Variants in RBFOX1 observed in about 807,000 individuals in gnomAD.
The protein encoded by RBFOX1 is RNA binding fox-1 homolog 1.
Under a neutral mutation model 57.7 loss-of-function variants are expected in RBFOX1, and 8 were observed. The observed-to-expected ratio is 0.14, with a 90% CI of 0.08 to 0.25. The LOEUF (loss-of-function observed/expected upper bound fraction) is 0.25. RBFOX1 is among the 10% of genes least tolerant of loss of function. The pLI is 1.00. For missense variants in RBFOX1, 611 were observed against 548.5 expected (o/e 1.11, Z -1.14); for synonymous variants, 326 against 222.4 (o/e 1.47, Z -4.15).
chr16:5,729,403 T>C (rs1204700291), intron 3 of RBFOX1, among the ~76,000 whole-genome samples: 7 of 149,892 alleles, frequency 4.7e-5, no homozygotes, highest in African/African-American at 1.5e-4. Context: ...TTTCTTTTTT[T>C]TTTTTTTTTT....
At chr16:5,935,087 C>G (rs1597855671) in intron 4 of RBFOX1, among the ~76,000 whole-genome samples, 1 of 152,192 alleles carries the variant, frequency 6.6e-6, no homozygotes, top group African/African-American at 2.4e-5. Flanking sequence ...TGCCTTCAGC[C>G]AACTCTTTTA....
At chr16:7,342,502 G>A (rs1286835193) in intron 4 of RBFOX1, among the ~76,000 whole-genome samples, 6 of 152,194 alleles carry the variant, frequency 3.9e-5, no homozygotes, top group Admixed American at 2.6e-4. Context: ...ATTGCCAGCA[G>A]TGTTGTCTTG....
At position 6,875,979 on chromosome 16, in the gene RBFOX1, C is replaced by A. The variant is rs1279173250; in HGVS notation, c.-15-176078C>A. Among the ~76,000 whole-genome samples, 2 of 151,930 alleles carry A rather than the reference C, an allele frequency of 1.3e-5. 1 individual carries two copies. The highest frequency in any genetic ancestry group is 2.9e-5 in the Non-Finnish European group (2 of 68,008). Reference sequence around the variant, plus strand: ...TGTCACTGCACTTCAGCCTGGGCAACACAGTGGAACTTGTCTCAAAAAATA... The same window carrying A: ...TGTCACTGCACTTCAGCCTGGGCAAAACAGTGGAACTTGTCTCAAAAAATA... On this transcript the variant is annotated intron_variant, in intron 3 of 15. Coordinates refer to ENST00000550418, the MANE Select transcript of RBFOX1 (RefSeq NM_018723.4).
chr16:7,222,791 AACT>A (rs2092825501), intron 4 of RBFOX1, among the ~76,000 whole-genome samples: 1 of 152,214 alleles, frequency 6.6e-6, no homozygotes, highest in Admixed American at 6.5e-5. Flanking sequence ...GCCATTTCAC[AACT>A]ATCAGGTACT....
chr16:6,316,150 C>T (rs1183632130), intron 1 of RBFOX1, among the ~76,000 whole-genome samples: 9 of 152,088 alleles, frequency 5.9e-5, no homozygotes, highest in Non-Finnish European at 1.3e-4. Context: ...TAAGTTTCTC[C>T]CCAGAGAGGA....
rs1440512101 is a variant in RBFOX1 at position 5,546,620 on chromosome 16, A to G, written c.259-52282A>G. Among the ~76,000 whole-genome samples the G allele has an allele frequency of 1.4e-4, 21 of 152,346 alleles. No homozygotes were observed. The East Asian group carries it at 4.0e-3, about 29-fold the overall frequency. The stretch of plus-strand genomic sequence containing the variant: ...TACAAAAATTAACTGAAAATGCATC[A>G]TACATTCAGATATACAACCTAAATC... On this transcript the variant is annotated intron_variant, in intron 2 of 2. Coordinates refer to the RBFOX1 transcript ENST00000585867.
chr16:5,913,935 C>T (rs933022833), intron 4 of RBFOX1, among the ~76,000 whole-genome samples: 2 of 152,354 alleles, frequency 1.3e-5, no homozygotes, highest in East Asian at 3.9e-4. Flanking sequence ...TTCTGTCACT[C>T]CTCTCATTCC....
At chr16:7,315,592 A>G (rs543366000) in intron 4 of RBFOX1, among the ~76,000 whole-genome samples, 7 of 152,184 alleles carry the variant, frequency 4.6e-5, no homozygotes, top group African/African-American at 1.7e-4. Context: ...AAATTGAAGC[A>G]AATATTCATT....
rs1466203732 is a variant in RBFOX1 at position 7,539,908 on chromosome 16, CA to C, written c.270+21520del. On this transcript the variant is annotated intron_variant, in intron 5 of 15. Coordinates refer to ENST00000550418, the MANE Select transcript of RBFOX1 (RefSeq NM_018723.4). Reference sequence around the variant, plus strand: ...GCTTATTTCTCCTTTATGGAGAAGGCAGCCCCTTGGAGGTAGGCATTTCCTG... The same window carrying C: ...GCTTATTTCTCCTTTATGGAGAAGGCGCCCCTTGGAGGTAGGCATTTCCTG... Among the ~76,000 whole-genome samples the C allele has an allele frequency of 4.6e-5, 7 of 152,184 alleles. No individual in the cohort carries two copies. In the South Asian group the frequency reaches 1.2e-3, roughly 27 times the overall value.
intron 2 of RBFOX1, among the ~76,000 whole-genome samples, chr16:6,340,189 G>A (rs571288679): frequency 6.6e-6 from 1 of 152,156 alleles, no homozygotes; most frequent in Non-Finnish European, 1.5e-5. Context: ...TAACAAGAGT[G>A]ATGAATAGTA....
At chr16:6,974,265 G>C (rs569029599) in intron 3 of RBFOX1, among the ~76,000 whole-genome samples, 1 of 145,960 alleles carries the variant, frequency 6.9e-6, no homozygotes, top group East Asian at 2.2e-4. Flanking sequence ...ATGTGGTACA[G>C]TTTGAGTTGG....
At chr16:7,130,328 G>A (rs995505201) in intron 4 of RBFOX1, among the ~76,000 whole-genome samples, 3 of 152,212 alleles carry the variant, frequency 2.0e-5, no homozygotes, top group Non-Finnish European at 2.9e-5. Context: ...AAGCCACCAC[G>A]CCAGGCCTGA....
At chr16:6,940,186 C>T (rs897071126) in intron 3 of RBFOX1, among the ~76,000 whole-genome samples, 4 of 148,514 alleles carry the variant, frequency 2.7e-5, no homozygotes, top group Non-Finnish European at 4.5e-5. Context: ...AGTGAGACTC[C>T]ATCTCAAAAA....
chr16:7,054,220 G>A (rs1216723853), intron 4 of RBFOX1, among the ~76,000 whole-genome samples: 10 of 105,492 alleles, frequency 9.5e-5, no homozygotes, highest in Non-Finnish European at 1.9e-4. Context: ...TTTCGGGGGG[G>A]GGGGGCGGGG....
At chr16:5,683,682 G>A (rs1177779512) in intron 3 of RBFOX1, among the ~76,000 whole-genome samples, 2 of 151,334 alleles carry the variant, frequency 1.3e-5, no homozygotes, top group Admixed American at 6.6e-5. Context: ...GCTTACACAC[G>A]GCCTATTGTG....
intron 3 of RBFOX1, among the ~76,000 whole-genome samples, chr16:6,961,546 G>T (rs550996770): frequency 6.6e-6 from 1 of 152,178 alleles, no homozygotes; most frequent in East Asian, 1.9e-4. Flanking sequence ...TTTATTAGAC[G>T]AGCGAAGAAA....
chr16:5,600,027 C>G (rs894595227), exon 3 of RBFOX1: 4 of 151,590 alleles, frequency 2.6e-5, no homozygotes, highest in Non-Finnish European at 5.9e-5. Flanking sequence ...CGGTGGCTCA[C>G]ACCTGTAATC....
At chr16:7,461,615 G>C (rs1487899324) in intron 4 of RBFOX1, among the ~76,000 whole-genome samples, 2 of 152,112 alleles carry the variant, frequency 1.3e-5, no homozygotes, top group African/African-American at 4.8e-5. Flanking sequence ...TTGTGTGTCT[G>C]TTTTTGCATT....
chr16:5,907,765 T>G (rs902213247), intron 4 of RBFOX1, among the ~76,000 whole-genome samples: 5 of 135,386 alleles, frequency 3.7e-5, no homozygotes, highest in Admixed American at 7.1e-5. Context: ...ATCATCATCA[T>G]TTGAGATGGC....
Sources: allele counts gnomAD v4.1 joint callset (sites outside exome capture counted in the v4.1 genomes callset), GRCh38; gene constraint gnomAD v4.1.1; transcripts MANE v1.5; gene names NCBI Gene and HGNC (gene_info 2026-07-23, HGNC 2026-07-21).